The following BPTF variants were observed in gnomAD, a reference collection of about 807,000 sequenced individuals.
The protein encoded by BPTF is nucleosome-remodeling factor subunit BPTF.
BPTF carries 18 observed loss-of-function variants against 292.5 expected under a neutral mutation model. That is an observed-to-expected ratio of 0.06 (90% CI 0.04 to 0.09). The LOEUF is 0.09. Ranked by LOEUF, BPTF falls within the 10% of genes least tolerant of loss-of-function variation. The probability of loss-of-function intolerance (pLI) is 1.00; values close to 1 mark genes in which losing one functional copy is unlikely to be tolerated. For synonymous variants in BPTF, 1,225 were observed against 1,251.9 expected (o/e 0.98, Z 0.45); for missense variants, 2,726 against 3,498.7 (o/e 0.78, Z 5.57).
At chr17:67,909,267 G>C (rs986135186) in intron 9 of BPTF, among the ~76,000 whole-genome samples, 1 of 122,754 alleles carries the variant, frequency 8.1e-6, no homozygotes, top group East Asian at 2.1e-4. Flanking sequence ...ACCGCACCAG[G>C]TCCCCCCCCC....
In BPTF at chr17:67,866,602, A is replaced by C. The variant is rs747242554; in HGVS notation, c.1575A>C (p.Glu525Asp). Residue 525 changes from glutamate to aspartate, a missense_variant, in exon 3 of 28, where the codon GAA becomes GAC. This residue lies in a region of BPTF where 187 missense variants were observed against 201.5 expected (regional missense o/e 0.93). Coordinates refer to ENST00000306378, the MANE Select transcript of BPTF (RefSeq NM_182641.4). ...ELCKILEEMR[E>D]EIHRHMDITE... ...GCAAAATTCTAGAAGAAATGCGTGA[A>C]GAAATCCACCGACACATGGACATAA... is the stretch of plus-strand genomic sequence containing the variant. 4.3e-6 allele frequency: 7 copies of C among 1,613,928 alleles called. No individual in the cohort carries two copies. The African/African-American group carries it at 8.0e-5, about 18-fold the overall frequency.
rs1368749495 is a variant in BPTF at position 67,886,073 on chromosome 17, T to C, written c.1865-5771T>C. On this transcript the variant is annotated intron_variant, in intron 4 of 27. Coordinates refer to ENST00000306378, the MANE Select transcript of BPTF (RefSeq NM_182641.4). ...CTAAAACAATTGTCTTTTCTGACAA[T>C]TCGTCATTTTTCATGTGATTTCCAA... 4 of 1,286,072 alleles carry C rather than the reference T, an allele frequency of 3.1e-6. No homozygotes were observed. The East Asian group carries it at 7.0e-5, about 22-fold the overall frequency. 79.7% of individuals were successfully genotyped at this position (1,286,072 alleles called of 1,614,324 possible).
chr17:67,858,848 CTCTT>C (rs1396480575), intron 2 of BPTF, among the ~76,000 whole-genome samples: 1 of 152,194 alleles, frequency 6.6e-6, no homozygotes, highest in Non-Finnish European at 1.5e-5. Context: ...CTCTCACTGC[CTCTT>C]TCTTTCCCTG....
intron 26 of BPTF, among the ~76,000 whole-genome samples, chr17:67,971,828 A>C (rs2068794244): frequency 1.2e-5 from 1 of 83,764 alleles, no homozygotes; most frequent in African/African-American, 4.0e-5. Context: ...ACTCCATCTC[A>C]AAAAAAAAAA....
chr17:67,834,641 C>T (rs1201635570), intron 1 of BPTF, among the ~76,000 whole-genome samples: 1 of 152,050 alleles, frequency 6.6e-6, no homozygotes, highest in African/African-American at 2.4e-5. Context: ...ATTATTTTAT[C>T]CTCTTAATTA....
chr17:67,941,620 A>G (rs1293787756), intron 19 of BPTF, among the ~76,000 whole-genome samples: 6 of 152,236 alleles, frequency 3.9e-5, no homozygotes, highest in African/African-American at 2.4e-5. Flanking sequence ...TCATTGAGGA[A>G]GAGATGACTT....
At chr17:67,924,666 A>G in intron 15 of BPTF, 77 bp downstream of exon 15, 1 of 1,512,226 alleles carries the variant, frequency 6.6e-7, no homozygotes, top group Non-Finnish European at 9.0e-7. Context: ...TTGACCTCCC[A>G]TCAGCAGGGG....
intron 20 of BPTF, chr17:67,944,655 C>T (rs1368863497): frequency 2.2e-6 from 1 of 447,804 alleles, no homozygotes. Flanking sequence ...TTACTCCTTG[C>T]TAAGCCTTGT....
chr17:67,835,373 A>G (rs961448950), intron 1 of BPTF, among the ~76,000 whole-genome samples: 2 of 152,220 alleles, frequency 1.3e-5, no homozygotes, highest in Non-Finnish European at 2.9e-5. Context: ...GACTCATTGT[A>G]GTCAGTCTGC....
intron 1 of BPTF, among the ~76,000 whole-genome samples, chr17:67,828,179 C>G (rs1446460666): frequency 4.6e-5 from 7 of 152,136 alleles, no homozygotes; most frequent in Admixed American, 3.9e-4. Flanking sequence ...ATCCGCCTAC[C>G]TCGGCCTCCC....
At chr17:67,846,789 C>T (rs903341823) in intron 1 of BPTF, among the ~76,000 whole-genome samples, 6 of 152,110 alleles carry the variant, frequency 3.9e-5, no homozygotes, top group Admixed American at 2.6e-4. Flanking sequence ...CAACCTCTGC[C>T]CTTTGGGTTC....
At chr17:67,925,452 C>T (rs2063788984) in intron 15 of BPTF, among the ~76,000 whole-genome samples, 1 of 152,046 alleles carries the variant, frequency 6.6e-6, no homozygotes, top group African/African-American at 2.4e-5. Flanking sequence ...TCCCTTGAGT[C>T]CAGGGGTTTG....
intron 1 of BPTF, among the ~76,000 whole-genome samples, chr17:67,845,792 T>A (rs1372527580): frequency 6.7e-6 from 1 of 149,314 alleles, no homozygotes; most frequent in South Asian, 2.1e-4. Flanking sequence ...ATATTTTATT[T>A]TATATATATT....
chr17:67,865,186 T>C (rs190948913), intron 2 of BPTF, among the ~76,000 whole-genome samples: 195 of 152,304 alleles, frequency 1.3e-3, no homozygotes, highest in African/African-American at 4.5e-3. Flanking sequence ...TCAAAAACTT[T>C]TGGATCTTGG....
intron 3 of BPTF, among the ~76,000 whole-genome samples, chr17:67,867,379 A>AC (rs1332519904): frequency 2.0e-5 from 3 of 152,260 alleles, no homozygotes; most frequent in African/African-American, 7.2e-5. Context: ...TTAGATTTAT[A>AC]CAAAAGTTGC....
intron 4 of BPTF, among the ~76,000 whole-genome samples, chr17:67,884,140 T>C (rs75982255): frequency 1.4e-5 from 1 of 72,814 alleles, no homozygotes; most frequent in Non-Finnish European, 2.4e-5. Flanking sequence ...TTTTCTTTCT[T>C]TTTTTTTTTT....
At chr17:67,954,930 A>C (rs188071551) in intron 23 of BPTF, among the ~76,000 whole-genome samples, 21 of 152,360 alleles carry the variant, frequency 1.4e-4, no homozygotes, top group African/African-American at 5.0e-4. Flanking sequence ...CAGATAGTCT[A>C]TAGACAGAAA....
Position 67,896,152 on chromosome 17 carries a change from T to C in BPTF, c.2543+1987T>C, listed in dbSNP as rs570542733. On this transcript the variant is annotated intron_variant, in intron 7 of 27. Transcript: ENST00000306378. ...TAATTTTTTGTATTTTTAGTAGAGA[T>C]GGGGTTTCACCGTGTTAGCCAGGAT... is the stretch of plus-strand genomic sequence containing the variant. Among the ~76,000 whole-genome samples the C allele has an allele frequency of 9.8e-4, 149 of 152,214 alleles. 1 individual carries two copies. The East Asian group carries it at 0.011, about 11-fold the overall frequency.
chr17:67,918,226 G>T (rs1175722921), intron 11 of BPTF, among the ~76,000 whole-genome samples: 1 of 152,290 alleles, frequency 6.6e-6, no homozygotes, highest in South Asian at 2.1e-4. Flanking sequence ...GTGAGCCACC[G>T]CATCTGACCT....
Sources: allele counts gnomAD v4.1 joint callset (sites outside exome capture counted in the v4.1 genomes callset), GRCh38; gene constraint gnomAD v4.1.1; regional missense constraint gnomAD v4.1.1; transcripts MANE v1.5; gene names NCBI Gene and HGNC (gene_info 2026-07-23, HGNC 2026-07-21).